The following CLNS1A variants were observed in gnomAD, a reference collection of about 807,000 sequenced individuals.
CLNS1A encodes chloride nucleotide-sensitive channel 1A, also known as methylosome subunit pICln.
A neutral mutation model predicts 29.4 loss-of-function variants in CLNS1A; 16 were observed. The ratio of observed to expected loss-of-function variants is 0.54; its 90% confidence interval spans 0.37 to 0.83. The LOEUF is 0.83. Among genes scored for constraint, CLNS1A ranks in the 40% least tolerant of loss-of-function variants. The probability of loss-of-function intolerance (pLI) is 0.00; values close to 1 mark genes in which losing one functional copy is unlikely to be tolerated. For synonymous variants in CLNS1A, 96 were observed against 104.8 expected, an observed-to-expected ratio of 0.92 and a Z score of 0.51; for missense variants, 235 against 287.4, an observed-to-expected ratio of 0.82 and a Z score of 1.32.
rs1022965867 is a variant in CLNS1A, at chr11:77,614,585, G to A, written c.*2133C>T. 6.6e-6 allele frequency: 1 copy of A among 152,242 alleles called. No homozygotes were observed. Among genetic ancestry groups the A allele is most frequent in the African/African-American group, 2.4e-5 (1 of 41,430 alleles). The allele number at this position is 152,242 out of a possible 1,614,324, so 9.4% of individuals were successfully genotyped here. A position where few individuals can be genotyped will look rare whatever the true frequency, so the allele number is the denominator to read the frequency against. On this transcript the variant is annotated 3_prime_UTR_variant, in exon 7 of 7. Coordinates refer to ENST00000525428, the MANE Select transcript of CLNS1A (RefSeq NM_001293.3). ...TGGTCTCAAACTCCTGACCTCAAGTGATCTGCCCACCTGAGCCTCCCAAAG... is the reference window on the plus strand; with the variant it reads ...TGGTCTCAAACTCCTGACCTCAAGTAATCTGCCCACCTGAGCCTCCCAAAG...
In CLNS1A at chr11:77,625,770, T is replaced by C. The variant is rs1340198968; in HGVS notation, c.311A>G (p.Asp104Gly). ...AAATTCAGTAATAGGTTCAACATCA[T>C]CATCACTGTCTTCCTCTTCTTCATC... ...VADEEEEDSD[D>G]DVEPITEFRF... is the part of the protein sequence containing the mutation. Residue 104 changes from aspartate to glycine, a missense_variant, in exon 3 of 7, where the codon GAT becomes GGT. Asp to Gly is a moderately conservative substitution (Grantham distance 94, BLOSUM62 -1). Coordinates refer to ENST00000525428, the MANE Select transcript of CLNS1A (RefSeq NM_001293.3). 3.7e-6 allele frequency: 6 copies of C among 1,609,622 alleles called. 1 individual carries two copies. Among genetic ancestry groups the C allele is most frequent in the Admixed American group, 3.3e-5 (2 of 59,982 alleles).
rs75346522 is a variant in CLNS1A, at chr11:77,619,702, A to C, written c.647-7T>G. ...GTATCCACCTCCATCCCATCTAAAC[A>C]AAAAAATTAATTACTGAGCAATCCC... On this transcript the variant is annotated splice_region_variant and splice_polypyrimidine_tract_variant and intron_variant, in intron 5 of 6. Coordinates refer to ENST00000525428, the MANE Select transcript of CLNS1A (RefSeq NM_001293.3). The C allele has an allele frequency of 0.07, 112,877 of 1,603,204 alleles. 4,279 individuals carry two copies. Among genetic ancestry groups the C allele is most frequent in the Admixed American group, 0.081 (4,857 of 60,002 alleles).
chr11:77,626,499 C>T (rs1196515726), intron 2 of CLNS1A, among the ~76,000 whole-genome samples: 2 of 151,904 alleles, frequency 1.3e-5, no homozygotes, highest in Admixed American at 6.6e-5. Flanking sequence ...ATTAGCAAGG[C>T]GTGGTGGCAG....
intron 6 of CLNS1A, chr11:77,618,747 G>C (rs1441638908): frequency 6.6e-6 from 1 of 152,194 alleles, no homozygotes; most frequent in Non-Finnish European, 1.5e-5. Flanking sequence ...AAAAGCCAAT[G>C]ATTACAGAAC....
intron 2 of CLNS1A, among the ~76,000 whole-genome samples, chr11:77,629,443 G>C (rs539822838): frequency 2.7e-4 from 41 of 151,376 alleles, no homozygotes; most frequent in African/African-American, 8.7e-4. Context: ...GCCCAGGCTG[G>C]AGTGCAGTGG....
chr11:77,637,021 A>C lies in CLNS1A; in HGVS notation c.125+569T>G, dbSNP rs149248398. Among the ~76,000 whole-genome samples the C allele has an allele frequency of 4.1e-3, 625 of 152,166 alleles. 7 individuals are homozygous for C. Among genetic ancestry groups the C allele is most frequent in the African/African-American group, 0.013 (543 of 41,530 alleles). The stretch of plus-strand genomic sequence containing the variant: ...CTGCATATGACCCCTGTCTGTGTCG[A>C]GTTAAGGGTGTTCCTCTCCTTACTA... On this transcript the variant is annotated intron_variant, in intron 1 of 6. Coordinates refer to ENST00000525428, the MANE Select transcript of CLNS1A (RefSeq NM_001293.3).
At chr11:77,627,370 C>T (rs557416574) in intron 2 of CLNS1A, among the ~76,000 whole-genome samples, 197 of 149,900 alleles carry the variant, frequency 1.3e-3, no homozygotes, top group Non-Finnish European at 1.4e-3. Context: ...ACCCAGGAGG[C>T]AGAGGTTGCA....
rs932227492 is a variant in CLNS1A, at chr11:77,622,669, T to C, written c.477A>G (p.Gln159=). ...AAAATGTAGGGATGTCCCCCTGTCC[T>C]TGTTCTAAACAAACAGAAAACTTTA... is the stretch of plus-strand genomic sequence containing the variant. ...GEEYDVEAHE[Q]GQGDIPTFYT... Residue 159 remains glutamine (Q), a synonymous_variant, in exon 5 of 7, where the codon CAA becomes CAG. Transcript: ENST00000525428. 27 of 1,578,476 alleles carry C rather than the reference T, an allele frequency of 1.7e-5. No homozygotes were observed. The highest frequency in any genetic ancestry group is 2.2e-5 in the Non-Finnish European group (26 of 1,168,124).
At chr11:77,628,228 A>G (rs929292369) in intron 2 of CLNS1A, among the ~76,000 whole-genome samples, 3 of 152,294 alleles carry the variant, frequency 2.0e-5, no homozygotes, top group East Asian at 1.9e-4. Flanking sequence ...CCCACCTCCA[A>G]TGGCCGTCAC....
intron 4 of CLNS1A, among the ~76,000 whole-genome samples, chr11:77,622,933 G>T (rs1029113373): frequency 1.5e-4 from 22 of 144,316 alleles, no homozygotes; most frequent in African/African-American, 5.6e-4. Context: ...GGGCAACCGA[G>T]CAAGACCTTG....
chr11:77,625,632 T>G (rs1429799063), intron 3 of CLNS1A, 85 bp downstream of exon 3: 14 of 726,302 alleles, frequency 1.9e-5, no homozygotes, highest in Non-Finnish European at 2.6e-5. Context: ...AGGTGAGAGG[T>G]GTGTGTGTGT....
At chr11:77,617,143 G>A (rs371233529) in intron 6 of CLNS1A, among the ~76,000 whole-genome samples, 4 of 152,006 alleles carry the variant, frequency 2.6e-5, no homozygotes, top group Admixed American at 6.6e-5. Context: ...CAAGGCAGGC[G>A]GATAACCTGA....
At chr11:77,625,924 A>G in intron 2 of CLNS1A, 106 bp from the exon 3 acceptor site, 1 of 983,804 alleles carries the variant, frequency 1.0e-6, no homozygotes, top group Non-Finnish European at 1.5e-6. Context: ...ATTATGGTTG[A>G]CAAATTTATT....
At chr11:77,617,595 G>A (rs1360415920) in intron 6 of CLNS1A, among the ~76,000 whole-genome samples, 2 of 151,404 alleles carry the variant, frequency 1.3e-5, no homozygotes, top group African/African-American at 4.9e-5. Context: ...TTATCCAGAT[G>A]AAGAATATGT....
In CLNS1A at chr11:77,622,884, G is replaced by A. The variant is rs1281241296; in HGVS notation, c.473-211C>T. Reference sequence around the variant, plus strand: ...AATCGCTTGAACCACAGAGGTGGAGGTTGCAGTGAACCGAGATCACGCCAT... The same window carrying A: ...AATCGCTTGAACCACAGAGGTGGAGATTGCAGTGAACCGAGATCACGCCAT... On this transcript the variant is annotated intron_variant, in intron 4 of 6. Transcript: ENST00000525428. Among the ~76,000 whole-genome samples, 4 of 150,898 alleles carry A rather than the reference G, an allele frequency of 2.7e-5. No individual in the cohort carries two copies. In the East Asian group the frequency reaches 7.8e-4, roughly 29 times the overall value.
intron 1 of CLNS1A, among the ~76,000 whole-genome samples, chr11:77,631,396 C>T (rs34924092): frequency 1.3e-5 from 2 of 150,206 alleles, no homozygotes; most frequent in Non-Finnish European, 3.0e-5. Context: ...TCTCGGCTCG[C>T]TGCAAGCTCC....
At position 77,616,073 on chromosome 11, in the gene CLNS1A, C is replaced by T. The variant is rs1419479490; in HGVS notation, c.*645G>A. 2.6e-5 allele frequency: 4 copies of T among 151,414 alleles called. No homozygotes were observed. The East Asian group carries it at 7.7e-4, about 29-fold the overall frequency. The allele number at this position is 151,414 out of a possible 1,614,324, so 9.4% of individuals were successfully genotyped here. A position where few individuals can be genotyped will look rare whatever the true frequency, so the allele number is the denominator to read the frequency against. On this transcript the variant is annotated 3_prime_UTR_variant, in exon 7 of 7. Transcript: ENST00000525428. ...AACAAGTAAACAAAAATAAAGCCAA[C>T]AAAATTCTCATATTTGCCAGCATTA...
At position 77,637,746 on chromosome 11, in the gene CLNS1A, G is replaced by A. The variant is rs1959149256; in HGVS notation, c.-32C>T. ...AGAGTGCGGCAACACAGGCCCTGAG[G>A]GAGTTGGAGCACAGCAATGCGTGCA... On this transcript the variant is annotated 5_prime_UTR_variant, in exon 1 of 7. Coordinates refer to ENST00000525428, the MANE Select transcript of CLNS1A (RefSeq NM_001293.3). 6.5e-7 allele frequency: 1 copy of A among 1,546,572 alleles called. No homozygotes were observed. Among genetic ancestry groups the A allele is most frequent in the South Asian group, 1.2e-5 (1 of 83,236 alleles).
At chr11:77,621,071 C>T (rs566781072) in intron 5 of CLNS1A, among the ~76,000 whole-genome samples, 7 of 150,664 alleles carry the variant, frequency 4.6e-5, no homozygotes, top group South Asian at 2.1e-4. Context: ...CTGAGGCGGG[C>T]GGATCACCTG....
Sources: allele counts gnomAD v4.1 joint callset (sites outside exome capture counted in the v4.1 genomes callset), GRCh38; gene constraint gnomAD v4.1.1; transcripts MANE v1.5; gene names NCBI Gene and HGNC (gene_info 2026-07-23, HGNC 2026-07-21).